Variants in ALPK1 observed in about 807,000 individuals in gnomAD.
ALPK1 encodes alpha kinase 1, also known as alpha-protein kinase 1.
ALPK1 carries 110 observed loss-of-function variants against 120.6 expected under a neutral mutation model. The ratio of observed to expected loss-of-function variants is 0.91; its 90% CI spans 0.78 to 1.07. ALPK1 has a LOEUF of 1.07. Ranked by LOEUF, ALPK1 falls within the 50% of genes least tolerant of loss-of-function variation. The pLI is 0.00. For missense variants in ALPK1, 1,498 were observed against 1,483.9 expected (o/e 1.01, Z -0.16); for synonymous variants, 582 against 560.3 (o/e 1.04, Z -0.55).
At chr4:112,420,625 G>A (rs979595107) in intron 5 of ALPK1, among the ~76,000 whole-genome samples, 6 of 152,100 alleles carry the variant, frequency 3.9e-5, no homozygotes, top group Non-Finnish European at 7.4e-5. Context: ...AAAAGCGGGG[G>A]AAATGAGAGT....
At chr4:112,328,680 T>C (rs892430738) in intron 2 of ALPK1, among the ~76,000 whole-genome samples, 1 of 152,212 alleles carries the variant, frequency 6.6e-6, no homozygotes, top group South Asian at 2.1e-4. Flanking sequence ...ATGAGAAATA[T>C]GAATCTTTTT....
At chr4:112,414,164 A>G (rs887669649) in intron 5 of ALPK1, 21 of 436,168 alleles carry the variant, frequency 4.8e-5, no homozygotes, top group African/African-American at 3.8e-4. Flanking sequence ...AAGAGATTAT[A>G]TAATATTGTA....
chr4:112,366,270 A>G (rs1731146112), intron 2 of ALPK1, among the ~76,000 whole-genome samples: 1 of 152,066 alleles, frequency 6.6e-6, no homozygotes, highest in Non-Finnish European at 1.5e-5. Flanking sequence ...GAGTAAACAG[A>G]CAACCTTGAA....
chr4:112,306,481 G>A lies in ALPK1; in HGVS notation c.-153+9012G>A, dbSNP rs183038525. Among the ~76,000 whole-genome samples the A allele has an allele frequency of 2.2e-3, 342 of 152,108 alleles. 1 individual carries two copies. The highest frequency in any genetic ancestry group is 0.01 in the Middle Eastern group (3 of 292). ...CTTCTTCCTGGTTTAATCTTGGGAGGGTGTATGTGTCGAGGAATTTATCCA... is the reference window on the plus strand; with the variant it reads ...CTTCTTCCTGGTTTAATCTTGGGAGAGTGTATGTGTCGAGGAATTTATCCA... On this transcript the variant is annotated intron_variant, in intron 1 of 15. Transcript: ENST00000650871.
chr4:112,351,296 G>A (rs571013782), intron 2 of ALPK1, among the ~76,000 whole-genome samples: 1 of 152,222 alleles, frequency 6.6e-6, no homozygotes, highest in African/African-American at 2.4e-5. Flanking sequence ...AGGAGGGTGG[G>A]ACACAAAGGC....
intron 2 of ALPK1, among the ~76,000 whole-genome samples, chr4:112,367,228 T>C (rs1731201014): frequency 6.6e-6 from 1 of 152,180 alleles, no homozygotes; most frequent in Admixed American, 6.5e-5. Context: ...AAAAGGTAGA[T>C]TATGAAACAG....
intron 2 of ALPK1, among the ~76,000 whole-genome samples, chr4:112,365,186 T>C (rs946581407): frequency 6.6e-6 from 1 of 152,024 alleles, no homozygotes; most frequent in African/African-American, 2.4e-5. Flanking sequence ...TTCAACATAG[T>C]GCTGGAAGTC....
At chr4:112,319,213 G>A (rs1303516488) in intron 2 of ALPK1, among the ~76,000 whole-genome samples, 1 of 152,180 alleles carries the variant, frequency 6.6e-6, no homozygotes, top group Non-Finnish European at 1.5e-5. Context: ...CCATACTTAT[G>A]AGGTGAGGTT....
At position 112,349,556 on chromosome 4, in the gene ALPK1, C is replaced by A. The variant is rs982873014; in HGVS notation, c.-100-28122C>A. Among the ~76,000 whole-genome samples, 7 of 142,716 alleles carry A rather than the reference C, an allele frequency of 4.9e-5. No homozygotes were observed. In the East Asian group the frequency reaches 1.3e-3, roughly 26 times the overall value. The allele number at this position is 142,716 out of a possible 152,430, so 93.6% of individuals were successfully genotyped here. On this transcript the variant is annotated intron_variant, in intron 2 of 15. Transcript: ENST00000650871. Reference sequence around the variant, plus strand: ...TTATTACCGCCCCAACCCCTGCCCCCCCCCGCTTTATTTTTGAGACAGAGT... The same window carrying A: ...TTATTACCGCCCCAACCCCTGCCCCACCCCGCTTTATTTTTGAGACAGAGT...
At chr4:112,334,521 T>C (rs143540932) in intron 2 of ALPK1, among the ~76,000 whole-genome samples, 81 of 152,278 alleles carry the variant, frequency 5.3e-4, no homozygotes, top group African/African-American at 1.9e-3. Flanking sequence ...AGGGCCAAGT[T>C]AATACGGCAA....
rs182110962 is a variant in ALPK1, at chr4:112,337,020, A to G, written c.-101+21168A>G. ...TCATGTTTTAAAATTGGATTTGTAC[A>G]TCATAGTTTATTATACTTCTAAAGT... On this transcript the variant is annotated intron_variant, in intron 2 of 15. Transcript: ENST00000650871. Among the ~76,000 whole-genome samples the G allele has an allele frequency of 2.7e-4, 41 of 152,262 alleles. 1 individual carries two copies. In the East Asian group the frequency reaches 7.7e-3, roughly 29 times the overall value.
chr4:112,391,328 T>C (rs745609556), intron 4 of ALPK1, among the ~76,000 whole-genome samples: 1 of 152,186 alleles, frequency 6.6e-6, no homozygotes, highest in Admixed American at 6.5e-5. Flanking sequence ...AGTGTCAGTG[T>C]TACAGCCAAA....
chr4:112,437,315 G>T (rs1734830075), intron 12 of ALPK1, among the ~76,000 whole-genome samples: 1 of 152,076 alleles, frequency 6.6e-6, no homozygotes, highest in Non-Finnish European at 1.5e-5. Context: ...AAGGAAAAAT[G>T]ACCATGGCAG....
At chr4:112,405,861 C>G (rs1733149539) in intron 4 of ALPK1, among the ~76,000 whole-genome samples, 1 of 152,168 alleles carries the variant, frequency 6.6e-6, no homozygotes, top group Admixed American at 6.5e-5. Context: ...AGGCATGAGC[C>G]ACAACACTCT....
In ALPK1 at chr4:112,423,982, A is replaced by G. The variant is rs772824878; in HGVS notation, c.514A>G (p.Ile172Val). The G allele has an allele frequency of 1.2e-6, 2 of 1,613,982 alleles. No individual in the cohort carries two copies. The highest frequency in any genetic ancestry group is 1.1e-5 in the South Asian group (1 of 91,082). ...LKAEYILSSL[I>V]SNNGATGTWL... ...AGCAGAGTATATTCTGAGCAGTCTA[A>G]TAAGCAACAATGGAGCAACGGGTGA... Residue 172 changes from isoleucine to valine, a missense_variant, in exon 6 of 16, where the codon ATA (isoleucine) becomes GTA (valine). Transcript: ENST00000650871.
At chr4:112,404,945 A>G (rs1431529269) in intron 4 of ALPK1, among the ~76,000 whole-genome samples, 2 of 152,208 alleles carry the variant, frequency 1.3e-5, no homozygotes, top group African/African-American at 4.8e-5. Flanking sequence ...CATGCCCTGT[A>G]AATGACAAGA....
At chr4:112,421,179 G>C (rs1202538795) in intron 5 of ALPK1, among the ~76,000 whole-genome samples, 1 of 152,118 alleles carries the variant, frequency 6.6e-6, no homozygotes, top group Non-Finnish European at 1.5e-5. Context: ...CATGCCTATA[G>C]AAAGTTTGAC....
Position 112,419,023 on chromosome 4 carries a change from A to G in ALPK1, c.476-4921A>G, listed in dbSNP as rs1052522. Reference sequence around the variant, plus strand: ...TATGGCTGAACACATAGAATACTCCAAGAAATCCACAGATTGTTAGAATTA... The same window carrying G: ...TATGGCTGAACACATAGAATACTCCGAGAAATCCACAGATTGTTAGAATTA... On this transcript the variant is annotated intron_variant, in intron 5 of 15. Coordinates refer to ENST00000650871, the MANE Select transcript of ALPK1 (RefSeq NM_025144.4). 3.3e-3 allele frequency among the ~76,000 whole-genome samples: 502 copies of G among 152,348 alleles called. 2 individuals carry two copies. Among genetic ancestry groups the G allele is most frequent in the Admixed American group, 5.4e-3 (83 of 15,306 alleles).
chr4:112,393,860 T>C lies in ALPK1; in HGVS notation c.276+11308T>C, dbSNP rs535610778. ...ATTTGGTGGCCTGCTATAAGCTGAG[T>C]ATCATTATTCTTCTGTTATATTTTT... On this transcript the variant is annotated intron_variant, in intron 4 of 15. Coordinates refer to ENST00000650871, the MANE Select transcript of ALPK1 (RefSeq NM_025144.4). Among the ~76,000 whole-genome samples the C allele has an allele frequency of 3.2e-4, 48 of 152,306 alleles. No individual in the cohort carries two copies. In the East Asian group the frequency reaches 8.5e-3, roughly 27 times the overall value.
Sources: allele counts gnomAD v4.1 joint callset (sites outside exome capture counted in the v4.1 genomes callset), GRCh38; gene constraint gnomAD v4.1.1; transcripts MANE v1.5; gene names NCBI Gene and HGNC (gene_info 2026-07-23, HGNC 2026-07-21).